SLC17A1: variants seen among roughly 807,000 people sequenced by gnomAD.
SLC17A1 encodes solute carrier family 17 member 1.
Under a neutral mutation model 53.5 loss-of-function variants are expected in SLC17A1, and 51 were observed. The observed-to-expected ratio is 0.95, with a 90% CI of 0.76 to 1.20. The LOEUF is 1.20. Among genes scored for constraint, SLC17A1 ranks in the 50% most tolerant of loss-of-function variants. The pLI, the probability that SLC17A1 is intolerant of heterozygous loss-of-function variation, is 0.00. For missense variants in SLC17A1, 538 were observed against 568.2 expected, an observed-to-expected ratio of 0.95 and a Z score of 0.54; for synonymous variants, 179 against 198.8, an observed-to-expected ratio of 0.90 and a Z score of 0.84.
the SLC17A1 span, among the ~76,000 whole-genome samples, chr6:25,760,758 A>T: frequency 3.7e-4 from 56 of 152,244 alleles, 1 homozygote; most frequent in South Asian, 7.1e-3. Flanking sequence ...ACTTAGTTTC[A>T]AATTTTAATG....
At chr6:25,744,246 A>T in the SLC17A1 span, among the ~76,000 whole-genome samples, 1 of 152,200 alleles carries the variant, frequency 6.6e-6, no homozygotes, top group Non-Finnish European at 1.5e-5. Flanking sequence ...TGAGTACAGG[A>T]GTGAAATGGT....
chr6:25,831,347 A>C (rs1764940259), intron 1 of SLC17A1, among the ~76,000 whole-genome samples: 1 of 152,184 alleles, frequency 6.6e-6, no homozygotes, highest in Non-Finnish European at 1.5e-5. Flanking sequence ...CCCCAAAGAT[A>C]CCAAAGTCCT....
chr6:25,815,631 C>T (rs1255630232), intron 6 of SLC17A1, among the ~76,000 whole-genome samples: 1 of 152,100 alleles, frequency 6.6e-6, no homozygotes, highest in Admixed American at 6.5e-5. Context: ...CTACGTGCTT[C>T]AAGACACAGC....
In SLC17A1 at chr6:25,819,596, C is replaced by T. The variant is rs771289791; in HGVS notation, c.444G>A (p.Gly148=). Residue 148 remains glycine, a splice_region_variant and synonymous_variant, in exon 5 of 13, where the codon GGG becomes GGA. Transcript: ENST00000244527. The part of the protein sequence containing the change: ...VCRAVQGAAQ[G]IVATAQFEIY... ...TTTCAAACTGGGCTGTTGCAACTAT[C>T]CCCTGAAATGAGAAAGGTTTGACAT... The T allele has an allele frequency of 3.0e-5, 49 of 1,613,830 alleles. No homozygotes were observed. Among genetic ancestry groups the T allele is most frequent in the Non-Finnish European group, 4.1e-5 (48 of 1,179,826 alleles).
At chr6:25,764,474 C>T in the SLC17A1 span, among the ~76,000 whole-genome samples, 1 of 152,282 alleles carries the variant, frequency 6.6e-6, no homozygotes, top group African/African-American at 2.4e-5. Flanking sequence ...AAAGTACTTC[C>T]AACTAGATTG....
At chr6:25,741,574 G>GC in the SLC17A1 span, among the ~76,000 whole-genome samples, 1 of 152,210 alleles carries the variant, frequency 6.6e-6, no homozygotes, top group East Asian at 1.9e-4. Context: ...AATTAGCTGG[G>GC]CGTGGTCATG....
In SLC17A1 at chr6:25,790,323, T is replaced by C. The variant is rs77883970; in HGVS notation, c.*3-7105A>G. ...ATTTATGTTCCGTCCACAACATTAT[T>C]CACTCGAAGAATTCAGTCCCAGGAA... On this transcript the variant is annotated intron_variant, in intron 12 of 12. Transcript: ENST00000244527. Among the ~76,000 whole-genome samples, 6 of 152,312 alleles carry C rather than the reference T, an allele frequency of 3.9e-5. No individual in the cohort carries two copies. The East Asian group carries it at 1.2e-3, about 29-fold the overall frequency.
chr6:25,808,066 C>T (rs376234790), intron 10 of SLC17A1, among the ~76,000 whole-genome samples: 29 of 152,164 alleles, frequency 1.9e-4, no homozygotes, highest in Admixed American at 4.6e-4. Flanking sequence ...TGGTTGTACT[C>T]GTTTACATTC....
the SLC17A1 span, among the ~76,000 whole-genome samples, chr6:25,729,811 C>A: frequency 6.6e-6 from 1 of 151,480 alleles, no homozygotes; most frequent in Non-Finnish European, 1.5e-5. Context: ...GATAGATTTT[C>A]TTGAGTTTTA....
At chr6:25,827,685 G>T (rs1011903749) in intron 2 of SLC17A1, among the ~76,000 whole-genome samples, 2 of 152,012 alleles carry the variant, frequency 1.3e-5, no homozygotes, top group African/African-American at 4.8e-5. Flanking sequence ...GCATAATTTC[G>T]CTATTTAAGA....
At chr6:25,776,549 G>T in the SLC17A1 span, 1 of 1,549,856 alleles carries the variant, frequency 6.5e-7, no homozygotes. Flanking sequence ...GTGTCGTGGT[G>T]GGGGTGGTAA....
In SLC17A1 at chr6:25,820,735, T is replaced by C. The variant is rs1457491051; in HGVS notation, c.208-820A>G. On this transcript the variant is annotated intron_variant, in intron 3 of 12. Transcript: ENST00000244527. Reference sequence around the variant, plus strand: ...CTCTACTAGAAAACCCCATCTCTACTAAAAATACAAAAAATTAGCCGGGCG... The same window carrying C: ...CTCTACTAGAAAACCCCATCTCTACCAAAAATACAAAAAATTAGCCGGGCG... Among the ~76,000 whole-genome samples the C allele has an allele frequency of 2.6e-5, 4 of 151,660 alleles. No individual in the cohort carries two copies. In the East Asian group the frequency reaches 7.8e-4, roughly 29 times the overall value.
At chr6:25,738,079 T>TCA in the SLC17A1 span, among the ~76,000 whole-genome samples, 10 of 152,146 alleles carry the variant, frequency 6.6e-5, no homozygotes, top group Non-Finnish European at 1.2e-4. Context: ...ATGTGAAAAA[T>TCA]CACAATAAAT....
At chr6:25,786,901 G>A (rs970665923) in intron 12 of SLC17A1, among the ~76,000 whole-genome samples, 5 of 152,166 alleles carry the variant, frequency 3.3e-5, no homozygotes, top group African/African-American at 1.2e-4. Flanking sequence ...GAGACACAGG[G>A]AAGGAGTCTT....
the SLC17A1 span, chr6:25,731,863 G>GGC: frequency 1.9e-6 from 3 of 1,603,100 alleles, no homozygotes; most frequent in Non-Finnish European, 2.6e-6. Context: ...GGCAGCAGCA[G>GGC]GCGCACGGCC....
downstream of SLC17A1, chr6:25,779,126 C>T (rs766394398): frequency 1.9e-6 from 3 of 1,613,898 alleles, no homozygotes. Context: ...GGTTTTCTAC[C>T]TCATCTTTGG....
Position 25,832,005 on chromosome 6 carries a change from C to CA in SLC17A1, c.-63dup, listed in dbSNP as rs1764966427. The CA allele has an allele frequency of 6.6e-6, 1 of 151,968 alleles. No homozygotes were observed. Among genetic ancestry groups the CA allele is most frequent in the African/African-American group, 2.4e-5 (1 of 41,378 alleles). 9.4% of individuals were successfully genotyped at this position (151,968 alleles called of 1,614,324 possible). A position where few individuals can be genotyped will look rare whatever the true frequency, so the allele number is the denominator to read the frequency against. Reference sequence around the variant, plus strand: ...CCCCGTAGACTAACCTGATTCGGGACAAAAAAGTGATTTCTTCTTCCGCTG... The same window carrying CA: ...CCCCGTAGACTAACCTGATTCGGGACAAAAAAAGTGATTTCTTCTTCCGCTG... On this transcript the variant is annotated 5_prime_UTR_variant, in exon 1 of 13. Transcript: ENST00000244527.
chr6:25,808,114 C>T (rs1345912585), intron 10 of SLC17A1, among the ~76,000 whole-genome samples: 1 of 152,072 alleles, frequency 6.6e-6, no homozygotes, highest in Admixed American at 6.6e-5. Flanking sequence ...TTCACCACAC[C>T]CATGCCAACA....
At chr6:25,728,701 CT>C in the SLC17A1 span, among the ~76,000 whole-genome samples, 1 of 152,114 alleles carries the variant, frequency 6.6e-6, no homozygotes, top group African/African-American at 2.4e-5. Flanking sequence ...GTAATTGCAG[CT>C]ACTTGGGAGG....
Sources: gnomAD v4.1 joint callset for allele counts (sites outside exome capture counted in the v4.1 genomes callset) on GRCh38, gnomAD v4.1.1 for gene constraint, MANE v1.5 for transcripts, NCBI Gene and HGNC (gene_info 2026-07-23, HGNC 2026-07-21) for gene names.